Variants in NAV3 observed in about 807,000 individuals in gnomAD.
NAV3 encodes the protein pore membrane and/or filament interacting like protein 1.
A neutral mutation model predicts 244.7 loss-of-function variants in NAV3; 87 were observed. The ratio of observed to expected loss-of-function variants is 0.36; its 90% CI spans 0.30 to 0.42. The LOEUF (loss-of-function observed/expected upper bound fraction) is 0.42. Among genes scored for constraint, NAV3 ranks in the 20% least tolerant of loss-of-function variants. The probability of loss-of-function intolerance (pLI) is 1.00; values close to 1 mark genes in which losing one functional copy is unlikely to be tolerated. For synonymous variants in NAV3, 1,126 were observed against 1,042.2 expected (o/e 1.08, Z -1.55); for missense variants, 2,663 against 2,893.3 (o/e 0.92, Z 1.83).
chr12:78,090,145 CT>C (rs1953846406), intron 12 of NAV3, among the ~76,000 whole-genome samples: 1 of 151,100 alleles, frequency 6.6e-6, no homozygotes, highest in African/African-American at 2.4e-5. Context: ...CTTCCTCCCC[CT>C]GCCCAAATAC....
At chr12:78,060,240 A>G (rs755664608) in intron 12 of NAV3, among the ~76,000 whole-genome samples, 1 of 152,168 alleles carries the variant, frequency 6.6e-6, no homozygotes, top group Admixed American at 6.5e-5. Context: ...TTAAGGTGCA[A>G]TGTACTCACA....
chr12:77,678,187 G>A (rs1478855996), intron 2 of NAV3, among the ~76,000 whole-genome samples: 1 of 151,908 alleles, frequency 6.6e-6, no homozygotes, highest in African/African-American at 2.4e-5. Context: ...AAATGGAAGT[G>A]GTACATTAGG....
intron 1 of NAV3, among the ~76,000 whole-genome samples, chr12:77,868,624 C>T (rs953548667): frequency 6.6e-6 from 1 of 151,484 alleles, no homozygotes; most frequent in African/African-American, 2.4e-5. Context: ...GGCATGGTGG[C>T]ACACACCTGT....
intron 12 of NAV3, among the ~76,000 whole-genome samples, chr12:78,100,474 A>C (rs1351901879): frequency 6.6e-6 from 1 of 151,950 alleles, no homozygotes; most frequent in African/African-American, 2.4e-5. Context: ...TATCATTTTT[A>C]CCACAAAATA....
intron 2 of NAV3, among the ~76,000 whole-genome samples, chr12:77,678,958 CT>C (rs947870954): frequency 6.6e-6 from 1 of 152,108 alleles, no homozygotes; most frequent in Non-Finnish European, 1.5e-5. Flanking sequence ...CTTTGAAAGT[CT>C]TTAAGTATTC....
At chr12:78,183,284 C>A (rs575246755) in intron 30 of NAV3, among the ~76,000 whole-genome samples, 34 of 151,992 alleles carry the variant, frequency 2.2e-4, no homozygotes, top group African/African-American at 8.2e-4. Flanking sequence ...TGGGGAGATT[C>A]GGAGTCATGA....
At chr12:77,939,990 C>A (rs1166139661) in intron 1 of NAV3, among the ~76,000 whole-genome samples, 1 of 152,004 alleles carries the variant, frequency 6.6e-6, no homozygotes, top group Admixed American at 6.6e-5. Context: ...AGATTGTTTT[C>A]AAAATGATAG....
At chr12:77,940,903 A>G (rs970761595) in intron 2 of NAV3, among the ~76,000 whole-genome samples, 178 bp from the exon 3 acceptor site, 1 of 152,106 alleles carries the variant, frequency 6.6e-6, no homozygotes, top group African/African-American at 2.4e-5. Context: ...TTGTGCATAT[A>G]GAATTGGCAG....
chr12:78,045,840 G>A (rs112796271), intron 9 of NAV3, among the ~76,000 whole-genome samples: 8,719 of 152,172 alleles, frequency 0.057, 729 homozygotes, highest in African/African-American at 0.19. Flanking sequence ...GTTAGAATTC[G>A]ACTGTGAATC....
At chr12:77,710,655 T>G (rs1406212275) in intron 2 of NAV3, among the ~76,000 whole-genome samples, 1 of 152,190 alleles carries the variant, frequency 6.6e-6, no homozygotes, top group Non-Finnish European at 1.5e-5. Flanking sequence ...ATGTGACTTT[T>G]TGAGAACTAA....
intron 3 of NAV3, among the ~76,000 whole-genome samples, chr12:77,951,644 C>G (rs1890893112): frequency 6.6e-6 from 1 of 152,050 alleles, no homozygotes; most frequent in Non-Finnish European, 1.5e-5. Context: ...GCACTATTCA[C>G]AATAGCAAAG....
At chr12:77,693,127 T>G (rs1875115251) in intron 2 of NAV3, among the ~76,000 whole-genome samples, 1 of 152,138 alleles carries the variant, frequency 6.6e-6, no homozygotes, top group Non-Finnish European at 1.5e-5. Context: ...TGCCAGTCCA[T>G]GCAGAATCCT....
chr12:78,188,369 G>A (rs2139844201), intron 32 of NAV3, 26 bp downstream of exon 32: 1 of 1,536,206 alleles, frequency 6.5e-7, no homozygotes. Flanking sequence ...CACCCTAATA[G>A]TACTTTTCAA....
intron 2 of NAV3, among the ~76,000 whole-genome samples, chr12:77,648,175 A>C (rs936858055): frequency 6.6e-6 from 1 of 152,122 alleles, no homozygotes; most frequent in Non-Finnish European, 1.5e-5. Context: ...GTTTCAAAAA[A>C]ATTTCTTTAG....
At chr12:77,671,063 C>T (rs12298892) in intron 2 of NAV3, among the ~76,000 whole-genome samples, 12,943 of 151,942 alleles carry the variant, frequency 0.085, 834 homozygotes, top group African/African-American at 0.19. Flanking sequence ...AGAAAGCTCC[C>T]AGAACCGGTA....
intron 1 of NAV3, among the ~76,000 whole-genome samples, chr12:77,851,122 TC>T (rs1877453409): frequency 6.6e-6 from 1 of 152,098 alleles, no homozygotes; most frequent in Non-Finnish European, 1.5e-5. Flanking sequence ...TGCATTCTGA[TC>T]CCCCCAGCTA....
chr12:77,850,537 T>C (rs149253496), intron 1 of NAV3, among the ~76,000 whole-genome samples: 11 of 152,338 alleles, frequency 7.2e-5, no homozygotes, highest in African/African-American at 2.6e-4. Context: ...CTGCTGGTGG[T>C]TGCAAAGGAG....
chr12:77,661,113 G>A (rs1036210875), intron 2 of NAV3, among the ~76,000 whole-genome samples: 6 of 152,018 alleles, frequency 3.9e-5, no homozygotes, highest in African/African-American at 1.5e-4. Context: ...GAGAGAGATT[G>A]TTGACTAGAA....
chr12:78,140,249 T>C (rs1246696673), intron 19 of NAV3, 33 bp from the exon 20 acceptor site: 2 of 1,599,592 alleles, frequency 1.3e-6, no homozygotes, highest in East Asian at 4.5e-5. Context: ...GACCTTATTG[T>C]TTTAACTCTA....
Sources: allele counts gnomAD v4.1 joint callset (sites outside exome capture counted in the v4.1 genomes callset), GRCh38; gene constraint gnomAD v4.1.1; transcripts MANE v1.5; gene names NCBI Gene and HGNC (gene_info 2026-07-23, HGNC 2026-07-21).